Variants in NOX4 observed in about 807,000 individuals in gnomAD.
NOX4 encodes kidney oxidase-1.
Under a neutral mutation model 87.6 loss-of-function variants are expected in NOX4, and 69 were observed. The observed-to-expected ratio is 0.79, with a 90% confidence interval of 0.65 to 0.96. The LOEUF is 0.96. NOX4 is among the 40% of genes least tolerant of loss of function. NOX4 has a pLI of 0.00. For synonymous variants in NOX4, 275 were observed against 238.2 expected (o/e 1.15, Z -1.42); for missense variants, 680 against 681.5 (o/e 1.00, Z 0.02).
intron 8 of NOX4, among the ~76,000 whole-genome samples, chr11:89,403,800 A>G (rs1234016048): frequency 6.6e-6 from 1 of 152,122 alleles, no homozygotes; most frequent in Admixed American, 6.6e-5. Context: ...TTTAAACAAA[A>G]CTGTATAATG....
At chr11:89,403,357 G>A (rs944930573) in intron 8 of NOX4, among the ~76,000 whole-genome samples, 2 of 152,090 alleles carry the variant, frequency 1.3e-5, no homozygotes, top group Non-Finnish European at 2.9e-5. Context: ...GCATGACAAA[G>A]TAAGATTTGG....
the NOX4 span, among the ~76,000 whole-genome samples, chr11:89,572,055 C>A: frequency 3.3e-5 from 5 of 152,150 alleles, no homozygotes; most frequent in Non-Finnish European, 1.5e-5. Context: ...CTCAAGTAGT[C>A]CTGATTTACT....
chr11:89,513,328 A>G, the NOX4 span, among the ~76,000 whole-genome samples: 10 of 151,996 alleles, frequency 6.6e-5, no homozygotes, highest in Admixed American at 1.3e-4. Flanking sequence ...CTAAAAAAAA[A>G]AAAATCACAT....
At chr11:89,561,083 A>C in the NOX4 span, among the ~76,000 whole-genome samples, 1 of 125,032 alleles carries the variant, frequency 8.0e-6, no homozygotes, top group South Asian at 2.5e-4. Flanking sequence ...ATATATATAT[A>C]TATCCTATCA....
chr11:89,579,732 G>A, the NOX4 span, among the ~76,000 whole-genome samples: 1 of 152,106 alleles, frequency 6.6e-6, no homozygotes, highest in African/African-American at 2.4e-5. Flanking sequence ...ACTGTAGGGA[G>A]TGAGGGGTTA....
chr11:89,524,604 C>T, the NOX4 span, among the ~76,000 whole-genome samples: 4 of 151,780 alleles, frequency 2.6e-5, no homozygotes, highest in African/African-American at 9.7e-5. Context: ...GGGCACATTC[C>T]AAGAAGAGTT....
chr11:89,445,861 T>C (rs918474214), intron 4 of NOX4, among the ~76,000 whole-genome samples: 1 of 152,100 alleles, frequency 6.6e-6, no homozygotes, highest in African/African-American at 2.4e-5. Flanking sequence ...AAAGAATTAA[T>C]AAGCTGGCCT....
chr11:89,481,492 C>A (rs1946389741), intron 2 of NOX4, among the ~76,000 whole-genome samples: 1 of 151,964 alleles, frequency 6.6e-6, no homozygotes, highest in South Asian at 2.1e-4. Context: ...AGGGTTTACA[C>A]CTAGGCTGAG....
intron 13 of NOX4, among the ~76,000 whole-genome samples, chr11:89,343,615 T>A (rs956441002): frequency 1.4e-4 from 21 of 152,190 alleles, no homozygotes; most frequent in African/African-American, 4.3e-4. Flanking sequence ...ACATATTTAA[T>A]CTGATTAATA....
At chr11:89,346,526 G>C (rs1445808905) in intron 13 of NOX4, among the ~76,000 whole-genome samples, 1 of 146,292 alleles carries the variant, frequency 6.8e-6, no homozygotes, top group East Asian at 2.0e-4. Context: ...AAAAACTAAA[G>C]AGTCTGAAAA....
the NOX4 span, among the ~76,000 whole-genome samples, chr11:89,536,150 T>TTTC: frequency 7.1e-6 from 1 of 140,456 alleles, no homozygotes; most frequent in African/African-American, 2.7e-5. Flanking sequence ...TTTTTTTTTT[T>TTTC]TTTTTTTTTT....
Position 89,365,823 on chromosome 11 carries a change from G to A in NOX4, c.1135+7609C>T, listed in dbSNP as rs192704781. Reference sequence around the variant, plus strand: ...TTATGAAGTTCAAATCTAAAGAACCGAGCAAATAAAATCAATGCCATGCAA... The same window carrying A: ...TTATGAAGTTCAAATCTAAAGAACCAAGCAAATAAAATCAATGCCATGCAA... On this transcript the variant is annotated intron_variant, in intron 12 of 17. Coordinates refer to ENST00000263317, the MANE Select transcript of NOX4 (RefSeq NM_016931.5). 4.9e-3 allele frequency among the ~76,000 whole-genome samples: 703 copies of A among 144,854 alleles called. 7 individuals carry two copies. The highest frequency in any genetic ancestry group is 0.017 in the African/African-American group (664 of 38,990).
intron 6 of NOX4, among the ~76,000 whole-genome samples, chr11:89,438,563 A>AATACTAT (rs1944221668): frequency 6.8e-5 from 6 of 87,594 alleles, no homozygotes; most frequent in African/African-American, 3.3e-4. Context: ...TACTATATAT[A>AATACTAT]ATATAATATA....
the NOX4 span, among the ~76,000 whole-genome samples, chr11:89,559,342 G>C: frequency 4.6e-5 from 7 of 152,228 alleles, no homozygotes; most frequent in South Asian, 1.5e-3. Flanking sequence ...TGGAAAGCTG[G>C]TCTGAGGAGA....
chr11:89,360,613 A>T (rs1194418219), intron 12 of NOX4, among the ~76,000 whole-genome samples: 3 of 152,194 alleles, frequency 2.0e-5, no homozygotes, highest in East Asian at 3.9e-4. Flanking sequence ...CTGAACTCAC[A>T]ACTGAGTCAG....
chr11:89,529,635 G>T, the NOX4 span, among the ~76,000 whole-genome samples: 1 of 152,272 alleles, frequency 6.6e-6, no homozygotes, highest in African/African-American at 2.4e-5. Flanking sequence ...TCTTGAAGAA[G>T]CTAGCAAAAG....
intron 2 of NOX4, among the ~76,000 whole-genome samples, chr11:89,470,300 C>A (rs548724410): frequency 2.8e-4 from 42 of 152,150 alleles, no homozygotes; most frequent in Admixed American, 2.6e-3. Flanking sequence ...GCTGCCTTTC[C>A]AGCCACAGCT....
In NOX4 at chr11:89,400,203, C is replaced by A. The variant is rs1266154367; in HGVS notation, c.1011+12G>T. 2 of 1,609,860 alleles carry A rather than the reference C, an allele frequency of 1.2e-6. No individual in the cohort carries two copies. The highest frequency in any genetic ancestry group is 1.7e-6 in the Non-Finnish European group (2 of 1,177,476). On this transcript the variant is annotated intron_variant, in intron 10 of 17. Transcript: ENST00000263317. ...TAAAGGCTATTTAAAAAGTTGCTGACCACTGACTCACCTGACCAGGTCTTG... is the reference window on the plus strand; with the variant it reads ...TAAAGGCTATTTAAAAAGTTGCTGAACACTGACTCACCTGACCAGGTCTTG...
rs926815687 is a variant in NOX4 at position 89,429,165 on chromosome 11, A to C, written c.548+3619T>G. 5.6e-4 allele frequency among the ~76,000 whole-genome samples: 86 copies of C among 152,328 alleles called. No individual in the cohort carries two copies. The East Asian group carries it at 0.015, about 27-fold the overall frequency. ...AAAGATATTCTTTGAAAACAATGAG[A>C]AAAAAGACACAACATACCAGAATCT... On this transcript the variant is annotated intron_variant, in intron 7 of 17. Coordinates refer to ENST00000263317, the MANE Select transcript of NOX4 (RefSeq NM_016931.5).
Sources: gnomAD v4.1 joint callset for allele counts (sites outside exome capture counted in the v4.1 genomes callset) on GRCh38, gnomAD v4.1.1 for gene constraint, MANE v1.5 for transcripts, NCBI Gene and HGNC (gene_info 2026-07-23, HGNC 2026-07-21) for gene names.